The following ANKRD31 variants were observed in gnomAD, a reference collection of about 807,000 sequenced individuals.
ANKRD31 encodes ankyrin repeat domain-containing protein 31.
Under a neutral mutation model 186.0 loss-of-function variants are expected in ANKRD31, and 147 were observed. That is an observed-to-expected ratio of 0.79 (90% CI 0.69 to 0.91). The LOEUF (loss-of-function observed/expected upper bound fraction) is 0.91. ANKRD31 is among the 40% of genes least tolerant of loss of function. The pLI, the probability that ANKRD31 is intolerant of heterozygous loss-of-function variation, is 0.00. For synonymous variants in ANKRD31, 673 were observed against 736.4 expected (o/e 0.91, Z 1.39); for missense variants, 1,986 against 2,148.8 (o/e 0.92, Z 1.50).
chr5:75,150,476 A>G (rs17738746), intron 12 of ANKRD31, among the ~76,000 whole-genome samples: 23,609 of 151,958 alleles, frequency 0.16, 2,086 homozygotes, highest in African/African-American at 0.24. Flanking sequence ...ATTGAAAAGT[A>G]GGCTGATAAT....
intron 10 of ANKRD31, among the ~76,000 whole-genome samples, chr5:75,169,933 A>G (rs1403018300): frequency 6.6e-6 from 1 of 152,106 alleles, no homozygotes; most frequent in African/African-American, 2.4e-5. Context: ...GAAACTGCCA[A>G]AAGTCCCCTG....
At chr5:75,166,756 T>C (rs1752953206) in intron 11 of ANKRD31, among the ~76,000 whole-genome samples, 1 of 152,212 alleles carries the variant, frequency 6.6e-6, no homozygotes, top group African/African-American at 2.4e-5. Flanking sequence ...TTGTTCTTAG[T>C]GATGCCTATG....
In ANKRD31 at chr5:75,189,469, T is replaced by C. The variant is rs138599422; in HGVS notation, c.1409-821A>G. On this transcript the variant is annotated intron_variant, in intron 9 of 25. Coordinates refer to ENST00000506364, the MANE Select transcript of ANKRD31 (RefSeq NM_001372053.1). ...CTGAGTACTGCAGCAGCTTTCTTAA[T>C]GGACGACATATCAACTGCCTTGCCG... Among the ~76,000 whole-genome samples, 430 of 152,296 alleles carry C rather than the reference T, an allele frequency of 2.8e-3. 3 individuals are homozygous for C. The highest frequency in any genetic ancestry group is 9.4e-3 in the African/African-American group (392 of 41,550).
intron 11 of ANKRD31, among the ~76,000 whole-genome samples, chr5:75,160,273 G>C (rs1752483637): frequency 6.6e-6 from 1 of 152,018 alleles, no homozygotes; most frequent in Non-Finnish European, 1.5e-5. Flanking sequence ...GTTAGCATAA[G>C]AATGAAGTCA....
chr5:75,118,127 A>C lies in ANKRD31; in HGVS notation c.4039+8T>G. 7.0e-7 allele frequency: 1 copy of C among 1,425,014 alleles called. No homozygotes were observed. Among genetic ancestry groups the C allele is most frequent in the Non-Finnish European group, 9.1e-7 (1 of 1,097,684 alleles). 88.3% of individuals were successfully genotyped at this position (1,425,014 alleles called of 1,614,324 possible). A position where few individuals can be genotyped will look rare whatever the true frequency, so the allele number is the denominator to read the frequency against. Reference sequence around the variant, plus strand: ...TATATAAAATAGCAGCAATATTGATATACATACCATTGACTATAGCATCAC... The same window carrying C: ...TATATAAAATAGCAGCAATATTGATCTACATACCATTGACTATAGCATCAC... On this transcript the variant is annotated splice_region_variant and intron_variant, in intron 18 of 25. Transcript: ENST00000506364.
chr5:75,206,993 G>C (rs1229022462), intron 4 of ANKRD31, among the ~76,000 whole-genome samples: 1 of 152,008 alleles, frequency 6.6e-6, no homozygotes, highest in Non-Finnish European at 1.5e-5. Flanking sequence ...GCAAAATAAG[G>C]GTCATGCCTA....
chr5:75,207,890 C>T (rs1756357677), intron 4 of ANKRD31, among the ~76,000 whole-genome samples: 1 of 151,910 alleles, frequency 6.6e-6, no homozygotes, highest in South Asian at 2.1e-4. Flanking sequence ...AGTTTTCAAA[C>T]TTTTTGATCT....
intron 11 of ANKRD31, among the ~76,000 whole-genome samples, chr5:75,156,134 A>T (rs946277141): frequency 1.3e-5 from 2 of 151,986 alleles, no homozygotes; most frequent in Non-Finnish European, 2.9e-5. Flanking sequence ...TGAACTTCTA[A>T]CCTCAAGAGA....
intron 11 of ANKRD31, among the ~76,000 whole-genome samples, chr5:75,161,017 T>C (rs368744275): frequency 1.3e-5 from 2 of 152,120 alleles, no homozygotes; most frequent in East Asian, 1.9e-4. Context: ...TTATCAACAG[T>C]GTAAAAACAA....
chr5:75,155,175 C>T (rs947183890), intron 11 of ANKRD31, among the ~76,000 whole-genome samples: 6 of 151,884 alleles, frequency 4.0e-5, no homozygotes, highest in Non-Finnish European at 8.8e-5. Flanking sequence ...ATAAGTTTCC[C>T]TCCTCTACCC....
At chr5:75,120,877 A>C (rs1173595531) in intron 17 of ANKRD31, among the ~76,000 whole-genome samples, 2 of 152,148 alleles carry the variant, frequency 1.3e-5, no homozygotes, top group Non-Finnish European at 2.9e-5. Context: ...AACTCACTTT[A>C]CTGGTAAAGA....
At chr5:75,130,929 C>A (rs1749743113) in intron 17 of ANKRD31, among the ~76,000 whole-genome samples, 3 of 152,248 alleles carry the variant, frequency 2.0e-5, no homozygotes, top group Admixed American at 2.0e-4. Context: ...GCTCGTCCCA[C>A]ACAACCAAGA....
chr5:75,198,357 T>G (rs1187489359), intron 6 of ANKRD31, among the ~76,000 whole-genome samples: 3 of 152,206 alleles, frequency 2.0e-5, no homozygotes, highest in Admixed American at 1.3e-4. Context: ...CAGGCCCATT[T>G]GCTTGATAAC....
rs1309903175 is a variant in ANKRD31 at position 75,193,386 on chromosome 5, A to G, written c.1223T>C (p.Met408Thr). The G allele has an allele frequency of 6.5e-7, 1 of 1,537,076 alleles. No individual in the cohort carries two copies. Among genetic ancestry groups the G allele is most frequent in the Admixed American group, 2.0e-5 (1 of 50,970 alleles). The change falls in exon 8 of 26, where the codon ATG becomes ACG. Residue 408 changes from methionine (M) to threonine (T), a missense_variant. Met to Thr is a moderately conservative substitution (Grantham distance 81). Coordinates refer to ENST00000506364, the MANE Select transcript of ANKRD31 (RefSeq NM_001372053.1). ...DAKYSDHMYK[M>T]PEKILPKILG... Reference sequence around the variant, plus strand: ...GATTTTTGGTAAAATCTTTTCTGGCATCTTATACATGTGATCTGAGTACTT... The same window carrying G: ...GATTTTTGGTAAAATCTTTTCTGGCGTCTTATACATGTGATCTGAGTACTT...
At chr5:75,235,865 G>T (rs1240582479) in intron 1 of ANKRD31, among the ~76,000 whole-genome samples, 1 of 152,138 alleles carries the variant, frequency 6.6e-6, no homozygotes, top group African/African-American at 2.4e-5. Flanking sequence ...AACACTCAAA[G>T]AAACCTGTCT....
rs79435201 is a variant in ANKRD31 at position 75,182,250 on chromosome 5, T to G, written c.1564+6243A>C. Among the ~76,000 whole-genome samples, 369 of 152,304 alleles carry G rather than the reference T, an allele frequency of 2.4e-3. 9 individuals carry two copies. In the East Asian group the frequency reaches 0.062, roughly 25 times the overall value. On this transcript the variant is annotated intron_variant, in intron 10 of 25. Transcript: ENST00000506364. ...CTGTGAAAATTTGCTTACCAATATGTACATTGGTTAACTTGATTATCTATC... is the reference window on the plus strand; with the variant it reads ...CTGTGAAAATTTGCTTACCAATATGGACATTGGTTAACTTGATTATCTATC...
chr5:75,181,906 A>G (rs1754335965), intron 10 of ANKRD31, among the ~76,000 whole-genome samples: 1 of 152,002 alleles, frequency 6.6e-6, no homozygotes, highest in African/African-American at 2.4e-5. Flanking sequence ...AAAAAAAAGA[A>G]GCCACATGTT....
chr5:75,081,700 CAGAG>C (rs935046250), intron 24 of ANKRD31, among the ~76,000 whole-genome samples: 11 of 136,998 alleles, frequency 8.0e-5, no homozygotes, highest in South Asian at 2.4e-4. Context: ...GAGAGAGAGA[CAGAG>C]AGAGAGAGAG....
chr5:75,082,708 A>AT (rs1168488364), intron 24 of ANKRD31, among the ~76,000 whole-genome samples: 2 of 152,160 alleles, frequency 1.3e-5, no homozygotes, highest in African/African-American at 4.8e-5. Context: ...AACAACACTC[A>AT]TTTTTTCCTT....
Sources: allele counts gnomAD v4.1 joint callset (sites outside exome capture counted in the v4.1 genomes callset), GRCh38; gene constraint gnomAD v4.1.1; transcripts MANE v1.5; gene names NCBI Gene and HGNC (gene_info 2026-07-23, HGNC 2026-07-21).